The following MACROD1 variants were observed in gnomAD, a reference collection of about 807,000 sequenced individuals.
MACROD1 encodes the protein mono-ADP ribosylhydrolase 1.
MACROD1 carries 31 observed loss-of-function variants against 41.4 expected under a neutral mutation model. The ratio of observed to expected loss-of-function variants is 0.75; its 90% CI spans 0.56 to 1.01. MACROD1 has a LOEUF of 1.01. MACROD1 is among the 50% of genes least tolerant of loss of function. The probability of loss-of-function intolerance (pLI) is 0.00; values close to 1 mark genes in which losing one functional copy is unlikely to be tolerated. For synonymous variants in MACROD1, 252 were observed against 203.4 expected (o/e 1.24, Z -2.03); for missense variants, 473 against 460.0 (o/e 1.03, Z -0.26).
intron 3 of MACROD1, among the ~76,000 whole-genome samples, chr11:64,144,180 T>C (rs1431082362): frequency 6.6e-6 from 1 of 151,256 alleles, no homozygotes; most frequent in Non-Finnish European, 1.5e-5. Flanking sequence ...CTGTGCTCTC[T>C]CCCCACAGAA....
intron 3 of MACROD1, among the ~76,000 whole-genome samples, chr11:64,150,081 C>T (rs1361273123): frequency 6.6e-6 from 1 of 152,234 alleles, no homozygotes; most frequent in Non-Finnish European, 1.5e-5. Context: ...GCAAGGCACC[C>T]CCATATGACT....
chr11:64,138,597 G>A (rs577588434), intron 3 of MACROD1: 11 of 975,522 alleles, frequency 1.1e-5, no homozygotes, highest in Admixed American at 6.1e-5. Flanking sequence ...TGCTGGCAGA[G>A]GAATGGCTGA....
intron 4 of MACROD1, among the ~76,000 whole-genome samples, chr11:64,004,099 T>TCC (rs1256357806): frequency 6.6e-6 from 1 of 152,172 alleles, no homozygotes; most frequent in Non-Finnish European, 1.5e-5. Flanking sequence ...CCCTTGACCC[T>TCC]CCGCCCCATC....
intron 4 of MACROD1, among the ~76,000 whole-genome samples, chr11:64,010,239 G>C (rs1476489484): frequency 6.7e-6 from 1 of 148,908 alleles, no homozygotes; most frequent in African/African-American, 2.5e-5. Context: ...GTTAGCTGGG[G>C]TGTTGGTTGG....
chr11:64,135,727 G>A (rs750684633), intron 3 of MACROD1, among the ~76,000 whole-genome samples: 30 of 152,120 alleles, frequency 2.0e-4, no homozygotes, highest in Non-Finnish European at 2.9e-4. Context: ...AGCCTTCCCC[G>A]CGCCAGGTGG....
rs191781062 is a variant in MACROD1 at position 64,101,452 on chromosome 11, G to A, written c.517+49787C>T. ...GTTTCTCTCTTTATCGGGAGGCAGC[G>A]GCCACAGCTGACTGGAGCCTCTGGG... is the stretch of plus-strand genomic sequence containing the variant. On this transcript the variant is annotated intron_variant, in intron 3 of 10. Coordinates refer to ENST00000255681, the MANE Select transcript of MACROD1 (RefSeq NM_014067.4). Among the ~76,000 whole-genome samples the A allele has an allele frequency of 2.3e-3, 343 of 152,100 alleles. 2 individuals are homozygous for A. Among genetic ancestry groups the A allele is most frequent in the African/African-American group, 7.8e-3 (324 of 41,534 alleles).
chr11:64,058,731 C>T (rs1334443805), intron 3 of MACROD1, among the ~76,000 whole-genome samples: 1 of 152,282 alleles, frequency 6.6e-6, no homozygotes, highest in Non-Finnish European at 1.5e-5. Flanking sequence ...AATTACCTCG[C>T]CTCCTGCTTG....
At chr11:64,139,404 C>T (rs1945377460) in intron 3 of MACROD1, among the ~76,000 whole-genome samples, 1 of 152,206 alleles carries the variant, frequency 6.6e-6, no homozygotes, top group Non-Finnish European at 1.5e-5. Context: ...CATGAGCCAT[C>T]ATGAGTTCCT....
chr11:64,090,205 G>A lies in MACROD1; in HGVS notation c.517+61034C>T, dbSNP rs538667658. Reference sequence around the variant, plus strand: ...AGGCCCCGAACAGCCTGAGTCCACAGGGTGACAGGGTGTGGGAAAGGCCAA... The same window carrying A: ...AGGCCCCGAACAGCCTGAGTCCACAAGGTGACAGGGTGTGGGAAAGGCCAA... On this transcript the variant is annotated intron_variant, in intron 3 of 10. Transcript: ENST00000255681. This position sits in a 1 kb window ranked among gnomAD's most constrained non-coding sequence, Gnocchi z 4.7. 3.3e-5 allele frequency among the ~76,000 whole-genome samples: 5 copies of A among 152,314 alleles called. No individual in the cohort carries two copies. The highest frequency in any genetic ancestry group is 5.9e-5 in the Non-Finnish European group (4 of 68,030).
At chr11:64,101,769 G>A (rs1944675668) in intron 3 of MACROD1, among the ~76,000 whole-genome samples, 1 of 152,154 alleles carries the variant, frequency 6.6e-6, no homozygotes, top group Non-Finnish European at 1.5e-5. Flanking sequence ...TCCAGGGCCT[G>A]TGCCCCACCT....
intron 4 of MACROD1, chr11:64,001,951 A>C: frequency 1.7e-6 from 1 of 599,038 alleles, no homozygotes; most frequent in South Asian, 1.9e-5. Context: ...CATCTGGAAA[A>C]TGGGATAATA....
intron 1 of MACROD1, among the ~76,000 whole-genome samples, chr11:64,156,411 C>T (rs78885733): frequency 1.0e-3 from 155 of 152,352 alleles, no homozygotes; most frequent in African/African-American, 3.6e-3. Flanking sequence ...CAGGTACCCA[C>T]CGTGATGCTG....
rs1945499000 is a variant in MACROD1, at chr11:64,146,585, C to T, written c.517+4654G>A. Among the ~76,000 whole-genome samples the T allele has an allele frequency of 1.3e-5, 2 of 152,090 alleles. No homozygotes were observed. The highest frequency in any genetic ancestry group is 6.5e-5 in the Admixed American group (1 of 15,268). The stretch of plus-strand genomic sequence containing the variant: ...TGCCTGAGGGTGTGGGGGTTTGTTC[C>T]GTCCCTGCAACTTCAAGCCCTGCCA... On this transcript the variant is annotated intron_variant, in intron 3 of 10. Transcript: ENST00000255681. The surrounding 1 kb of genome is among the most constrained non-coding windows in gnomAD (Gnocchi z 4.7).
intron 3 of MACROD1, among the ~76,000 whole-genome samples, chr11:64,016,926 ACT>A (rs1214223207): frequency 6.6e-6 from 1 of 151,942 alleles, no homozygotes; most frequent in Admixed American, 6.6e-5. Flanking sequence ...CCCCCCAGTG[ACT>A]CTGGGTGGGG....
rs1251564605 is a variant in MACROD1, at chr11:63,998,575, T to TATTA, written c.*139_*142dup. ...GTAGGAGCTGCCACAACGAGATCTT[T>TATTA]ATTAGGCTCCTCGGGGGCGGGGCGC... On this transcript the variant is annotated 3_prime_UTR_variant, in exon 11 of 11. Coordinates refer to ENST00000255681, the MANE Select transcript of MACROD1 (RefSeq NM_014067.4). 1.6e-6 allele frequency: 2 copies of TATTA among 1,224,112 alleles called. No homozygotes were observed. The highest frequency in any genetic ancestry group is 1.6e-5 in the African/African-American group (1 of 63,608). The allele number at this position is 1,224,112 out of a possible 1,614,324, so 75.8% of individuals were successfully genotyped here. A position where few individuals can be genotyped will look rare whatever the true frequency, so the allele number is the denominator to read the frequency against.
At chr11:64,057,963 C>T (rs1289831188) in intron 3 of MACROD1, among the ~76,000 whole-genome samples, 1 of 152,244 alleles carries the variant, frequency 6.6e-6, no homozygotes, top group Non-Finnish European at 1.5e-5. Context: ...CAAGACAACG[C>T]TGCCACTGCC....
chr11:64,143,743 G>GACACAC (rs1355483787), intron 3 of MACROD1, among the ~76,000 whole-genome samples: 118 of 71,464 alleles, frequency 1.7e-3, no homozygotes, highest in African/African-American at 8.6e-3. Context: ...CCCCAACCCC[G>GACACAC]ACACACACAT....
intron 3 of MACROD1, among the ~76,000 whole-genome samples, chr11:64,065,278 C>T (rs988718555): frequency 1.3e-5 from 2 of 152,078 alleles, no homozygotes; most frequent in East Asian, 1.9e-4. Context: ...TGGGCAGGAT[C>T]GGGCAGGTGG....
rs888672707 is a variant in MACROD1, at chr11:64,082,336, G to A, written c.518-67055C>T. Among the ~76,000 whole-genome samples, 2 of 152,036 alleles carry A rather than the reference G, an allele frequency of 1.3e-5. No homozygotes were observed. The highest frequency in any genetic ancestry group is 2.9e-5 in the Non-Finnish European group (2 of 67,978). On this transcript the variant is annotated intron_variant, in intron 3 of 10. Coordinates refer to ENST00000255681, the MANE Select transcript of MACROD1 (RefSeq NM_014067.4). This position sits in a 1 kb window ranked among gnomAD's most constrained non-coding sequence, Gnocchi z 4.5. The stretch of plus-strand genomic sequence containing the variant: ...ACGCTGGGTGGAGGATGATCCGGGG[G>A]GACCGTGGAAGGCAGGACGGGGGCC...
Sources: allele counts gnomAD v4.1 joint callset (sites outside exome capture counted in the v4.1 genomes callset), GRCh38; gene constraint gnomAD v4.1.1; non-coding constraint Gnocchi (gnomAD v3.1); transcripts MANE v1.5; gene names NCBI Gene and HGNC (gene_info 2026-07-23, HGNC 2026-07-21).